The following LRRC7 variants were observed in gnomAD, a reference collection of about 807,000 sequenced individuals.
The protein encoded by LRRC7 is leucine-rich repeat-containing protein 7.
In LRRC7, 23 loss-of-function variants were observed where a neutral mutation model predicts 175.7. The observed-to-expected ratio is 0.13, with a 90% CI of 0.09 to 0.19. The LOEUF is 0.19. Among genes scored for constraint, LRRC7 ranks in the 10% least tolerant of loss-of-function variants. LRRC7 has a pLI of 1.00. For missense variants in LRRC7, 1,354 were observed against 1,904.7 expected (o/e 0.71, Z 5.38); for synonymous variants, 685 against 680.9 (o/e 1.01, Z -0.09).
intron 7 of LRRC7, among the ~76,000 whole-genome samples, chr1:69,869,472 T>A (rs1025812312): frequency 6.6e-6 from 1 of 151,990 alleles, no homozygotes; most frequent in African/African-American, 2.4e-5. Flanking sequence ...GTTTGAGGAA[T>A]CCAATTACAT....
chr1:69,588,985 CTGTGTGTGTGTGTGTGTGTG>C (rs138325158), intron 1 of LRRC7, among the ~76,000 whole-genome samples: 1 of 131,070 alleles, frequency 7.6e-6, no homozygotes, highest in African/African-American at 2.7e-5. Context: ...CTGCTGGGGT[CTGTGTGTGTGTGTGTGTGTG>C]TGTGCGTGCA....
In LRRC7 at chr1:69,902,612, AAAGTG is replaced by A. The variant is rs1489719645; in HGVS notation, c.648-28890_648-28886del. On this transcript the variant is annotated intron_variant, in intron 7 of 26. Coordinates refer to ENST00000651989, the MANE Select transcript of LRRC7 (RefSeq NM_001370785.2). Reference sequence around the variant, plus strand: ...AAGCTTCAATTTTCAGAGACGTTATAAAGTGAAGTATCAGTATAGTACAAAAGTAA... The same window carrying A: ...AAGCTTCAATTTTCAGAGACGTTATAAAGTATCAGTATAGTACAAAAGTAA... Among the ~76,000 whole-genome samples, 22 of 152,312 alleles carry A rather than the reference AAAGTG, an allele frequency of 1.4e-4. No homozygotes were observed. In the East Asian group the frequency reaches 3.3e-3, roughly 23 times the overall value.
At chr1:69,957,862 A>C (rs1650661846) in intron 8 of LRRC7, among the ~76,000 whole-genome samples, 1 of 151,954 alleles carries the variant, frequency 6.6e-6, no homozygotes, top group South Asian at 2.1e-4. Flanking sequence ...TTTTCCACTC[A>C]GTGAACTATC....
At chr1:69,846,660 T>A (rs1557803732) in intron 7 of LRRC7, among the ~76,000 whole-genome samples, 1 of 152,144 alleles carries the variant, frequency 6.6e-6, no homozygotes, top group South Asian at 2.1e-4. Flanking sequence ...TGAATCTCAA[T>A]GTCCTTATTT....
chr1:69,610,463 C>T (rs1001851220), intron 1 of LRRC7, among the ~76,000 whole-genome samples: 2 of 151,966 alleles, frequency 1.3e-5, no homozygotes, highest in African/African-American at 2.4e-5. Context: ...TCCTTTTTCT[C>T]CCCTTAGCCT....
At chr1:69,659,235 A>G (rs1657086935) in intron 1 of LRRC7, among the ~76,000 whole-genome samples, 1 of 152,060 alleles carries the variant, frequency 6.6e-6, no homozygotes. Flanking sequence ...GAGCCAGAAA[A>G]TAGAGCAGAA....
chr1:69,885,600 T>C (rs949737008), intron 7 of LRRC7, among the ~76,000 whole-genome samples: 4 of 134,662 alleles, frequency 3.0e-5, no homozygotes, highest in African/African-American at 1.2e-4. Flanking sequence ...GAAGGGTTTT[T>C]TGTGTCTCTA....
At chr1:69,607,017 T>C (rs774112087) in intron 1 of LRRC7, 8 of 152,268 alleles carry the variant, frequency 5.3e-5, no homozygotes, top group Non-Finnish European at 8.8e-5. Context: ...TTTTATGATT[T>C]GACTATAGGA....
chr1:70,081,559 G>T (rs1663212769), intron 24 of LRRC7, among the ~76,000 whole-genome samples: 1 of 152,200 alleles, frequency 6.6e-6, no homozygotes, highest in South Asian at 2.1e-4. Flanking sequence ...TAGAAGCTGG[G>T]CTGGGATTAG....
chr1:69,917,771 C>G (rs1172038566), intron 7 of LRRC7, among the ~76,000 whole-genome samples: 2 of 152,136 alleles, frequency 1.3e-5, no homozygotes, highest in African/African-American at 4.8e-5. Flanking sequence ...GCAACATACT[C>G]TAATGGGAAT....
intron 1 of LRRC7, among the ~76,000 whole-genome samples, chr1:69,668,613 C>T (rs914271411): frequency 4.6e-5 from 7 of 152,162 alleles, no homozygotes; most frequent in Non-Finnish European, 7.3e-5. Flanking sequence ...CATATGTGTG[C>T]ATTTGTCTTT....
At chr1:69,986,133 T>A (rs1653918721) in intron 9 of LRRC7, 109 bp from the exon 10 acceptor site, 1 of 969,720 alleles carries the variant, frequency 1.0e-6, no homozygotes, top group East Asian at 2.5e-5. Flanking sequence ...ACACTTGTTA[T>A]TGTTGTGGTT....
At position 69,825,786 on chromosome 1, in the gene LRRC7, T is replaced by G; in HGVS notation, c.460T>G (p.Cys154Gly). The change falls in exon 5 of 27, where the codon TGT becomes GGT. Residue 154 changes from cysteine (C) to glycine (G), a missense_variant. Coordinates refer to ENST00000651989, the MANE Select transcript of LRRC7 (RefSeq NM_001370785.2). ...TCCAGAAAACATAAAGTGCTGTAAG[T>G]GTTTAACAATTATTGAAGCCAGTGT... is the stretch of plus-strand genomic sequence containing the variant. ...EFPENIKCCKCLTIIEASVNP... is the reference protein window; with the variant it reads ...EFPENIKCCKGLTIIEASVNP... 2 of 1,606,472 alleles carry G rather than the reference T, an allele frequency of 1.2e-6. No individual in the cohort carries two copies. Among genetic ancestry groups the G allele is most frequent in the South Asian group, 1.1e-5 (1 of 89,870 alleles).
At chr1:69,954,626 C>T (rs550175231) in intron 8 of LRRC7, among the ~76,000 whole-genome samples, 3 of 152,128 alleles carry the variant, frequency 2.0e-5, no homozygotes, top group African/African-American at 7.2e-5. Context: ...TAGGAATTCA[C>T]ATTTTTAGCA....
At chr1:69,810,168 C>G (rs910473325) in intron 4 of LRRC7, among the ~76,000 whole-genome samples, 4 of 152,120 alleles carry the variant, frequency 2.6e-5, no homozygotes, top group African/African-American at 9.7e-5. Flanking sequence ...AACTCCCATT[C>G]ACAATTGCTA....
chr1:69,827,128 G>A (rs1381408960), intron 5 of LRRC7, among the ~76,000 whole-genome samples: 1 of 152,106 alleles, frequency 6.6e-6, no homozygotes, highest in Admixed American at 6.6e-5. Flanking sequence ...AAAACTCGTA[G>A]ACCAAAATGC....
chr1:69,919,776 CG>C, intron 7 of LRRC7: 15 of 922,666 alleles, frequency 1.6e-5, no homozygotes, highest in Non-Finnish European at 2.3e-5. Context: ...GCGCGGCGGA[CG>C]GGGGAGATGA....
intron 7 of LRRC7, among the ~76,000 whole-genome samples, chr1:69,883,112 C>T (rs1447934634): frequency 6.6e-6 from 1 of 152,042 alleles, no homozygotes; most frequent in African/African-American, 2.4e-5. Context: ...GATTTATATT[C>T]CTTTGGGTAT....
intron 2 of LRRC7, among the ~76,000 whole-genome samples, chr1:69,727,222 G>A (rs1667077676): frequency 6.6e-6 from 1 of 152,286 alleles, no homozygotes; most frequent in African/African-American, 2.4e-5. Context: ...AGCCATTAGT[G>A]GCCAACCTTC....
Sources: gnomAD v4.1 joint callset for allele counts (sites outside exome capture counted in the v4.1 genomes callset) on GRCh38, gnomAD v4.1.1 for gene constraint, MANE v1.5 for transcripts, NCBI Gene and HGNC (gene_info 2026-07-23, HGNC 2026-07-21) for gene names.